The following NRG1 variants were observed in gnomAD, a reference collection of about 807,000 sequenced individuals.
NRG1 encodes the protein pro-neuregulin-1, membrane-bound isoform.
NRG1 carries 18 observed loss-of-function variants against 63.8 expected under a neutral mutation model. The ratio of observed to expected loss-of-function variants is 0.28; its 90% CI spans 0.19 to 0.42. The LOEUF (loss-of-function observed/expected upper bound fraction) is 0.42, where lower values mean the gene tolerates loss of function less well. Ranked by LOEUF, NRG1 falls within the 10% of genes least tolerant of loss-of-function variation. NRG1 has a pLI of 1.00. For missense variants in NRG1, 762 were observed against 814.7 expected (o/e 0.94, Z 0.79); for synonymous variants, 302 against 301.3 (o/e 1.00, Z -0.02).
chr8:32,675,796 A>G (rs1806934765), intron 5 of NRG1, among the ~76,000 whole-genome samples: 1 of 152,210 alleles, frequency 6.6e-6, no homozygotes, highest in Non-Finnish European at 1.5e-5. Context: ...TTTAATCATC[A>G]ATAAAATATG....
At chr8:32,536,645 G>A (rs1189050914) in intron 1 of NRG1, among the ~76,000 whole-genome samples, 6 of 152,092 alleles carry the variant, frequency 3.9e-5, no homozygotes, top group South Asian at 2.1e-4. Context: ...TTGTTGGGCC[G>A]AGCGCGGTGG....
chr8:31,958,769 T>C (rs991718436), intron 1 of NRG1, among the ~76,000 whole-genome samples: 1 of 152,224 alleles, frequency 6.6e-6, no homozygotes, highest in East Asian at 1.9e-4. Flanking sequence ...GTTTTTCCTA[T>C]GTGTGTACCT....
chr8:31,820,027 G>A (rs960218534), intron 1 of NRG1, among the ~76,000 whole-genome samples: 6 of 152,098 alleles, frequency 3.9e-5, no homozygotes, highest in Non-Finnish European at 8.8e-5. Context: ...GGAGAAAAGC[G>A]AGTCTGCCTC....
chr8:32,506,037 G>A (rs562341588), intron 1 of NRG1, among the ~76,000 whole-genome samples: 1 of 151,996 alleles, frequency 6.6e-6, no homozygotes, highest in Admixed American at 6.6e-5. Context: ...ATCACTTGAG[G>A]CCAGGAGTTG....
At chr8:32,302,998 GT>G (rs139021477) in intron 1 of NRG1, among the ~76,000 whole-genome samples, 8,013 of 151,824 alleles carry the variant, frequency 0.053, 256 homozygotes, top group South Asian at 0.07. Context: ...CCTGGCCAAC[GT>G]GGTAAAGCCC....
intron 5 of NRG1, among the ~76,000 whole-genome samples, chr8:32,643,376 T>C (rs1012070927): frequency 6.6e-6 from 1 of 152,318 alleles, no homozygotes; most frequent in Admixed American, 6.5e-5. Flanking sequence ...GTTTTCTTCT[T>C]CTTGGGGTGC....
chr8:31,884,484 G>A (rs568106467), intron 1 of NRG1, among the ~76,000 whole-genome samples: 42 of 152,164 alleles, frequency 2.8e-4, no homozygotes, highest in African/African-American at 9.9e-4. Context: ...TTCAACTCAA[G>A]CATCAATTCC....
chr8:32,043,350 C>G (rs1365927782), intron 1 of NRG1, among the ~76,000 whole-genome samples: 2 of 151,842 alleles, frequency 1.3e-5, no homozygotes, highest in Non-Finnish European at 2.9e-5. Flanking sequence ...CAAAAACCTC[C>G]TCAGGAATTA....
intron 5 of NRG1, among the ~76,000 whole-genome samples, chr8:32,653,674 G>A (rs1424954498): frequency 6.6e-6 from 1 of 152,168 alleles, no homozygotes; most frequent in Non-Finnish European, 1.5e-5. Context: ...TAGAGAGTTG[G>A]TAGCTGTAAA....
intron 1 of NRG1, among the ~76,000 whole-genome samples, chr8:32,048,434 CATAT>C (rs1177099377): frequency 5.9e-3 from 429 of 73,028 alleles, no homozygotes; most frequent in African/African-American, 0.021. Context: ...CATATGTACA[CATAT>C]ATACATACAT....
At chr8:32,341,524 G>A (rs1215996170) in intron 1 of NRG1, among the ~76,000 whole-genome samples, 2 of 152,184 alleles carry the variant, frequency 1.3e-5, no homozygotes, top group Admixed American at 6.5e-5. Context: ...GGTTCCTGCT[G>A]TCCTGTGGGC....
At chr8:32,062,430 T>C (rs1824044938) in intron 1 of NRG1, among the ~76,000 whole-genome samples, 2 of 152,084 alleles carry the variant, frequency 1.3e-5, no homozygotes, top group Non-Finnish European at 2.9e-5. Context: ...TTTATACAAA[T>C]TTCTAGCATT....
chr8:32,102,427 T>A (rs1542517), intron 1 of NRG1, among the ~76,000 whole-genome samples: 1 of 152,096 alleles, frequency 6.6e-6, no homozygotes, highest in Non-Finnish European at 1.5e-5. Context: ...TGTAAGCCAC[T>A]GATCCCAGCC....
At chr8:32,188,700 C>T (rs1335283138) in intron 1 of NRG1, among the ~76,000 whole-genome samples, 1 of 152,012 alleles carries the variant, frequency 6.6e-6, no homozygotes, top group Non-Finnish European at 1.5e-5. Flanking sequence ...GAGGAGGAGG[C>T]CGTGTGCTTC....
intron 1 of NRG1, among the ~76,000 whole-genome samples, chr8:32,550,232 T>A (rs1833862633): frequency 6.6e-6 from 1 of 152,162 alleles, no homozygotes; most frequent in South Asian, 2.1e-4. Context: ...TTGCCCCTCA[T>A]GAGGGTGTAT....
chr8:32,493,972 G>T (rs922895956), intron 1 of NRG1, among the ~76,000 whole-genome samples: 1 of 152,062 alleles, frequency 6.6e-6, no homozygotes, highest in African/African-American at 2.4e-5. Context: ...AATGAAAAAG[G>T]AAACACAAAA....
At chr8:31,966,373 T>G (rs1041119988) in intron 1 of NRG1, among the ~76,000 whole-genome samples, 13 of 152,202 alleles carry the variant, frequency 8.5e-5, no homozygotes, top group Non-Finnish European at 1.6e-4. Context: ...AGTAGGGACA[T>G]ATTTATGATT....
At chr8:31,818,091 A>T (rs73674083) in intron 1 of NRG1, among the ~76,000 whole-genome samples, 2,425 of 152,270 alleles carry the variant, frequency 0.016, 71 homozygotes, top group African/African-American at 0.054. Context: ...TATAAGAAAG[A>T]TATTTATCAA....
At chr8:31,885,542 T>A (rs2062054) in intron 1 of NRG1, among the ~76,000 whole-genome samples, 5 of 151,990 alleles carry the variant, frequency 3.3e-5, no homozygotes, top group Middle Eastern at 3.4e-3. Flanking sequence ...TCCACAATTC[T>A]TTATGAGAGA....
Sources: gnomAD v4.1 joint callset for allele counts (sites outside exome capture counted in the v4.1 genomes callset) on GRCh38, gnomAD v4.1.1 for gene constraint, MANE v1.5 for transcripts, NCBI Gene and HGNC (gene_info 2026-07-23, HGNC 2026-07-21) for gene names.